The following SHANK2 variants were observed in gnomAD, a reference collection of about 807,000 sequenced individuals.
SHANK2 encodes SH3 and multiple ankyrin repeat domains protein 2.
A neutral mutation model predicts 133.7 loss-of-function variants in SHANK2; 43 were observed. The observed-to-expected ratio is 0.32, with a 90% CI of 0.25 to 0.41. The LOEUF (loss-of-function observed/expected upper bound fraction) is 0.41, where lower values mean the gene tolerates loss of function less well. Ranked by LOEUF, SHANK2 falls within the 10% of genes least tolerant of loss-of-function variation. SHANK2 has a pLI of 1.00. For missense variants in SHANK2, 1,994 were observed against 2,235.8 expected (o/e 0.89, Z 2.18); for synonymous variants, 1,017 against 952.8 (o/e 1.07, Z -1.24).
At chr11:71,116,718 C>A (rs887954630) in intron 4 of SHANK2, among the ~76,000 whole-genome samples, 3 of 152,202 alleles carry the variant, frequency 2.0e-5, no homozygotes, top group Admixed American at 6.5e-5. Flanking sequence ...GTGTTGGAGG[C>A]GGGGCCAGGT....
intron 14 of SHANK2, among the ~76,000 whole-genome samples, chr11:70,704,482 T>C (rs1049848933): frequency 9.2e-5 from 14 of 152,156 alleles, no homozygotes; most frequent in Non-Finnish European, 2.9e-5. Context: ...TATGTGGGTG[T>C]GGTCTAGGGA....
intron 8 of SHANK2, among the ~76,000 whole-genome samples, chr11:71,085,803 T>C (rs1432081697): frequency 1.6e-5 from 1 of 63,296 alleles, no homozygotes; most frequent in Non-Finnish European, 2.6e-5. Context: ...TGATACAACA[T>C]AATATATTAT....
chr11:71,089,656 C>G (rs1364699578), intron 8 of SHANK2, among the ~76,000 whole-genome samples: 1 of 151,902 alleles, frequency 6.6e-6, no homozygotes, highest in Non-Finnish European at 1.5e-5. Context: ...CTGTGGTGCA[C>G]CCGGAATGGC....
intron 3 of SHANK2, among the ~76,000 whole-genome samples, chr11:71,135,166 C>T (rs1952412793): frequency 6.6e-6 from 1 of 152,126 alleles, no homozygotes; most frequent in Non-Finnish European, 1.5e-5. Context: ...CCTCTCCCAT[C>T]CTCTGAGGCT....
intron 17 of SHANK2, among the ~76,000 whole-genome samples, chr11:70,617,453 C>T (rs910117904): frequency 4.0e-5 from 6 of 151,496 alleles, no homozygotes; most frequent in East Asian, 1.9e-4. Context: ...AAGAAAGAAA[C>T]GCGAGGAACG....
intron 3 of SHANK2, among the ~76,000 whole-genome samples, chr11:71,127,215 G>A (rs1300024082): frequency 6.6e-6 from 1 of 152,218 alleles, no homozygotes; most frequent in African/African-American, 2.4e-5. Flanking sequence ...TTGAATGGAT[G>A]AGGAGTTGCC....
intron 17 of SHANK2, among the ~76,000 whole-genome samples, chr11:70,596,464 G>A (rs2060402189): frequency 6.6e-6 from 1 of 152,180 alleles, no homozygotes. Flanking sequence ...CCGGGTTCTA[G>A]GGTTCTGGGG....
intron 17 of SHANK2, among the ~76,000 whole-genome samples, chr11:70,528,949 C>T (rs782731314): frequency 6.6e-6 from 1 of 152,146 alleles, no homozygotes; most frequent in Non-Finnish European, 1.5e-5. Flanking sequence ...TGACGATTTC[C>T]CCCCACTGGT....
intron 11 of SHANK2, among the ~76,000 whole-genome samples, chr11:70,855,373 T>C (rs1488517922): frequency 6.6e-6 from 1 of 152,194 alleles, no homozygotes; most frequent in Non-Finnish European, 1.5e-5. Context: ...CTGGCCCAAC[T>C]CAGTCACAGA....
intron 2 of SHANK2, among the ~76,000 whole-genome samples, chr11:71,203,224 G>T (rs1198268602): frequency 6.6e-6 from 1 of 152,144 alleles, no homozygotes; most frequent in South Asian, 2.1e-4. Flanking sequence ...TGGTGAGGAG[G>T]CAGCGAACCT....
At chr11:71,184,042 T>G (rs556427606) in intron 2 of SHANK2, among the ~76,000 whole-genome samples, 46 of 152,240 alleles carry the variant, frequency 3.0e-4, no homozygotes, top group African/African-American at 1.1e-3. Flanking sequence ...CTAGAGCCCC[T>G]GGGCTACAAC....
intron 12 of SHANK2, among the ~76,000 whole-genome samples, chr11:70,811,991 C>G (rs1486075852): frequency 6.6e-6 from 1 of 152,228 alleles, no homozygotes; most frequent in African/African-American, 2.4e-5. Context: ...CTCAACCTCC[C>G]CATCAAAAAA....
At chr11:71,062,380 G>A (rs1950998428) in intron 9 of SHANK2, among the ~76,000 whole-genome samples, 1 of 152,222 alleles carries the variant, frequency 6.6e-6, no homozygotes, top group African/African-American at 2.4e-5. Flanking sequence ...ATGGGATGAT[G>A]GCTCTCAGCC....
At chr11:70,941,654 G>A (rs1409100960) in intron 10 of SHANK2, among the ~76,000 whole-genome samples, 1 of 152,076 alleles carries the variant, frequency 6.6e-6, no homozygotes, top group African/African-American at 2.4e-5. Flanking sequence ...CAGAGAGCCA[G>A]CTCACTCTTT....
chr11:70,662,737 G>C (rs370526718), intron 15 of SHANK2, among the ~76,000 whole-genome samples: 22 of 151,982 alleles, frequency 1.4e-4, no homozygotes, highest in African/African-American at 4.3e-4. Flanking sequence ...CTTTGCTCTA[G>C]TGGCCACAGT....
intron 17 of SHANK2, among the ~76,000 whole-genome samples, chr11:70,560,789 A>T (rs1490311341): frequency 6.6e-6 from 1 of 151,624 alleles, no homozygotes; most frequent in Non-Finnish European, 1.5e-5. Flanking sequence ...CCACCACCAC[A>T]CCCAGCTAGT....
chr11:70,863,751 T>G, intron 11 of SHANK2: 1 of 449,252 alleles, frequency 2.2e-6, no homozygotes, highest in Non-Finnish European at 4.5e-6. Context: ...AGAGAGTCTT[T>G]AAAGTGGAGT....
At chr11:70,857,617 G>A (rs1237158286) in intron 11 of SHANK2, among the ~76,000 whole-genome samples, 1 of 152,134 alleles carries the variant, frequency 6.6e-6, no homozygotes, top group Non-Finnish European at 1.5e-5. Flanking sequence ...GTTGACATAC[G>A]GGTTCTGCTG....
chr11:71,068,856 C>T (rs1474669072), intron 9 of SHANK2, among the ~76,000 whole-genome samples: 2 of 152,102 alleles, frequency 1.3e-5, no homozygotes, highest in Admixed American at 6.5e-5. Context: ...TCACCATGAC[C>T]ACTGTCATCA....
Sources: gnomAD v4.1 joint callset for allele counts (sites outside exome capture counted in the v4.1 genomes callset) on GRCh38, gnomAD v4.1.1 for gene constraint, MANE v1.5 for transcripts, NCBI Gene and HGNC (gene_info 2026-07-23, HGNC 2026-07-21) for gene names.